MICALL1: variants seen among roughly 807,000 people sequenced by gnomAD.
MICALL1 encodes MICAL like 1, also known as MICAL-like protein 1.
A neutral mutation model predicts 83.7 loss-of-function variants in MICALL1; 61 were observed. That is an observed-to-expected ratio of 0.73 (90% CI 0.59 to 0.90). The LOEUF is 0.90. MICALL1 is among the 40% of genes least tolerant of loss of function. The pLI is 0.00. For synonymous variants in MICALL1, 481 were observed against 473.6 expected (o/e 1.02, Z -0.20); for missense variants, 1,066 against 1,152.0 (o/e 0.93, Z 1.08).
rs1927976573 is a variant in MICALL1, at chr22:37,906,722, TCCCTGAGACCCCGG to T, written c.146+158_146+171del. Reference sequence around the variant, plus strand: ...CCGACGGCCCCGGACGCCGGGCGGGTCCCTGAGACCCCGGCCCAGGGCGCCCCTCCCCCGCCCGG... The same window carrying T: ...CCGACGGCCCCGGACGCCGGGCGGGTCCCAGGGCGCCCCTCCCCCGCCCGG... On this transcript the variant is annotated intron_variant, in intron 1 of 15. Coordinates refer to ENST00000215957, the MANE Select transcript of MICALL1 (RefSeq NM_033386.4). The surrounding 1 kb of genome is among the most constrained non-coding windows in gnomAD (Gnocchi z 4.4). Among the ~76,000 whole-genome samples the T allele has an allele frequency of 6.7e-6, 1 of 149,884 alleles. No homozygotes were observed. Among genetic ancestry groups the T allele is most frequent in the Non-Finnish European group, 1.5e-5 (1 of 67,328 alleles).
intron 9 of MICALL1, among the ~76,000 whole-genome samples, chr22:37,929,155 G>A (rs1328363914): frequency 6.6e-6 from 1 of 152,064 alleles, no homozygotes; most frequent in African/African-American, 2.4e-5. Flanking sequence ...AGGGGCTCAC[G>A]ATCTGCTCAG....
intron 3 of MICALL1, among the ~76,000 whole-genome samples, chr22:37,913,851 C>G: frequency 6.6e-6 from 1 of 150,730 alleles, no homozygotes; most frequent in East Asian, 1.9e-4. Context: ...CCTCTGCTGT[C>G]GGTCTAGACA....
At position 37,911,982 on chromosome 22, in the gene MICALL1, C is replaced by G; in HGVS notation, c.177C>G (p.Val59=). The G allele has an allele frequency of 6.2e-7, 1 of 1,614,156 alleles. No individual in the cohort carries two copies. The highest frequency in any genetic ancestry group is 8.5e-7 in the Non-Finnish European group (1 of 1,180,024). Residue 59 remains valine, a synonymous_variant, in exon 2 of 16, where the codon GTC becomes GTG. Transcript: ENST00000215957. ...LDFDSLSKDN[V]FENNRLAFEV... is the part of the protein sequence containing the mutation. The stretch of plus-strand genomic sequence containing the variant: ...TTGATTCGCTTTCCAAGGACAATGT[C>G]TTCGAGAATAACCGTTTGGTAAGTT...
rs1929389685 is a variant in MICALL1 at position 37,925,775 on chromosome 22, C to G, written c.1197C>G (p.Ser399Arg). 1 of 1,613,238 alleles carries G rather than the reference C, an allele frequency of 6.2e-7. No homozygotes were observed. Among genetic ancestry groups the G allele is most frequent in the African/African-American group, 1.3e-5 (1 of 74,864 alleles). Residue 399 changes from serine to arginine, a missense_variant, in exon 8 of 16, where the codon AGC (serine) becomes AGG (arginine). By Grantham distance (110) the Ser-to-Arg change is moderately radical (BLOSUM62 -1). Coordinates refer to ENST00000215957, the MANE Select transcript of MICALL1 (RefSeq NM_033386.4). ...GCCCGGGGCCACCAAGCCAGGACAG[C>G]AGGCAGGTGGAGAATGGAGGCACCG... ...SSSPGPPSQD[S>R]RQVENGGTEE...
In MICALL1 at chr22:37,940,798, G is replaced by T. The variant is rs371714044; in HGVS notation, c.2560G>T (p.Ala854Ser). ...GAAACTGCTAGGAAACAAACGTGAT[G>T]CCAAGAGCAAGTCCCCCAGAGACAA... ...MLKLLGNKRD[A>S]KSKSPRDKS Residue 854 changes from alanine (A) to serine (S), a missense_variant, in exon 16 of 16, where the codon GCC (alanine) becomes TCC (serine). Ala to Ser is a moderately conservative substitution (Grantham distance 99). Transcript: ENST00000215957. 6.2e-7 allele frequency: 1 copy of T among 1,613,984 alleles called. No individual in the cohort carries two copies. The highest frequency in any genetic ancestry group is 1.7e-5 in the Admixed American group (1 of 60,008).
At chr22:37,925,440 T>C (rs1929358330) in intron 7 of MICALL1, among the ~76,000 whole-genome samples, 1 of 152,078 alleles carries the variant, frequency 6.6e-6, no homozygotes, top group African/African-American at 2.4e-5. Flanking sequence ...CTGGGCTGGG[T>C]TAACAGCAGC....
chr22:37,915,718 A>C (rs774117392), intron 3 of MICALL1, among the ~76,000 whole-genome samples: 187 of 148,768 alleles, frequency 1.3e-3, no homozygotes, highest in Admixed American at 1.5e-3. Context: ...CAACCTTGGC[A>C]GACTGCAGCC....
At position 37,922,261 on chromosome 22, in the gene MICALL1, C is replaced by T. The variant is rs199819580; in HGVS notation, c.859C>T (p.Pro287Ser). The T allele has an allele frequency of 2.5e-6, 4 of 1,589,278 alleles. No homozygotes were observed. In the African/African-American group the frequency reaches 4.0e-5, roughly 16 times the overall value. The change falls in exon 6 of 16, where the codon CCT (proline) becomes TCT (serine). Residue 287 changes from proline to serine, a missense_variant. Physicochemically the swap from Pro to Ser is moderately conservative, Grantham distance 74. Transcript: ENST00000215957. The part of the protein sequence containing the change: ...RPQIPTKPRV[P>S]GKLQELASPP... The stretch of plus-strand genomic sequence containing the variant: ...GCAGATCCCTACCAAGCCCCGGGTT[C>T]CTGGCAAACTACAGGAGCTGGCCAG...
rs373850361 is a variant in MICALL1, at chr22:37,932,487, G to T, written c.2017-66G>T. On this transcript the variant is annotated intron_variant, in intron 10 of 15. Transcript: ENST00000215957. The surrounding 1 kb of genome is among the most constrained non-coding windows in gnomAD (Gnocchi z 4.4). ...AGCCACCAGTGGCCAATGCTGGCCA[G>T]AGAAGAGGGCAAGGCTCCTGGCAGC... The T allele has an allele frequency of 2.5e-6, 4 of 1,595,474 alleles. No homozygotes were observed. The African/African-American group carries it at 4.0e-5, about 16-fold the overall frequency.
rs931440613 is a variant in MICALL1, at chr22:37,932,451, C to A, written c.2017-102C>A. On this transcript the variant is annotated intron_variant, in intron 10 of 15. Transcript: ENST00000215957. This position sits in a 1 kb window ranked among gnomAD's most constrained non-coding sequence, Gnocchi z 4.4. ...ACCATGCTGGGGTGGGGGACAGGGC[C>A]CGGGCCCTGGAGCCACCAGTGGCCA... 3.9e-6 allele frequency: 6 copies of A among 1,537,320 alleles called. No individual in the cohort carries two copies. In the African/African-American group the frequency reaches 6.8e-5, roughly 17 times the overall value.
intron 1 of MICALL1, among the ~76,000 whole-genome samples, chr22:37,910,024 G>A (rs949812225): frequency 6.6e-6 from 1 of 152,182 alleles, no homozygotes; most frequent in African/African-American, 2.4e-5. Flanking sequence ...ATCCAGACAT[G>A]CTTAAGCTCC....
rs1291490952 is a variant in MICALL1, at chr22:37,924,772, AG to A, written c.1082+58del. On this transcript the variant is annotated intron_variant, in intron 7 of 15. Transcript: ENST00000215957. This position sits in a 1 kb window ranked among gnomAD's most constrained non-coding sequence, Gnocchi z 5.2. ...TTTGGAGGTCCTGGTGGTGGGAATC[AG>A]GGTACTCTGGGGCCGGGTAGGGAGA... 4 of 1,581,160 alleles carry A rather than the reference AG, an allele frequency of 2.5e-6. No homozygotes were observed. Among genetic ancestry groups the A allele is most frequent in the Non-Finnish European group, 3.5e-6 (4 of 1,155,166 alleles).
Position 37,906,913 on chromosome 22 carries a change from TG to T in MICALL1, c.146+350del, listed in dbSNP as rs150929152. ...CTTTGAAGGGGTGTTGAGCCCTCTTTGGGGGCCCTGGGCCTCTCCTACCCTA... is the reference window on the plus strand; with the variant it reads ...CTTTGAAGGGGTGTTGAGCCCTCTTTGGGGCCCTGGGCCTCTCCTACCCTA... On this transcript the variant is annotated intron_variant, in intron 1 of 15. Transcript: ENST00000215957. This position sits in a 1 kb window ranked among gnomAD's most constrained non-coding sequence, Gnocchi z 4.4. The T allele has an allele frequency of 0.27, 41,309 of 153,808 alleles. 6,808 individuals carry two copies. The highest frequency in any genetic ancestry group is 0.35 in the Non-Finnish European group (24,268 of 69,048). 9.5% of individuals were successfully genotyped at this position (153,808 alleles called of 1,614,324 possible). A position where few individuals can be genotyped will look rare whatever the true frequency, so the allele number is the denominator to read the frequency against.
intron 3 of MICALL1, among the ~76,000 whole-genome samples, chr22:37,914,425 C>T (rs1928540202): frequency 6.6e-6 from 1 of 151,264 alleles, no homozygotes; most frequent in Admixed American, 6.6e-5. Flanking sequence ...CGGGGTTTCA[C>T]CATGTTGGCC....
Position 37,925,741 on chromosome 22 carries a change from CA to C in MICALL1, c.1165del (p.Ser389AlafsTer178). ...EPKKKPAPLPPSSSPGPPSQD... is the reference protein window; with the variant it reads ...EPKKKPAPLPXSSSPGPPSQD... ...AAGAAGAAGCCAGCCCCACTTCCCC[CA>C]AGCAGCAGCCCGGGGCCACCAAGCC... On this transcript the variant is annotated frameshift_variant, in exon 8 of 16. Coordinates refer to ENST00000215957, the MANE Select transcript of MICALL1 (RefSeq NM_033386.4). LOFTEE classifies it high-confidence loss of function. The C allele has an allele frequency of 6.2e-7, 1 of 1,612,464 alleles. No homozygotes were observed. Among genetic ancestry groups the C allele is most frequent in the Non-Finnish European group, 8.5e-7 (1 of 1,179,842 alleles).
intron 1 of MICALL1, among the ~76,000 whole-genome samples, chr22:37,908,171 C>T (rs1028896264): frequency 5.9e-5 from 9 of 152,066 alleles, no homozygotes; most frequent in African/African-American, 2.2e-4. Flanking sequence ...CTCCAGGCAT[C>T]AGTGTCCTCA....
chr22:37,939,494 G>T (rs1926324319), intron 15 of MICALL1, among the ~76,000 whole-genome samples: 1 of 152,216 alleles, frequency 6.6e-6, no homozygotes, highest in African/African-American at 2.4e-5. Flanking sequence ...GATAAATGGG[G>T]GCCAGGCGCG....
At chr22:37,937,925 G>GCACAACAGAGGC in intron 15 of MICALL1, 133 bp downstream of exon 15, 1 of 1,108,458 alleles carries the variant, frequency 9.0e-7, no homozygotes, top group Non-Finnish European at 1.3e-6. Flanking sequence ...CGCAGCCTCT[G>GCACAACAGAGGC]TTGTGCAGAG....
intron 3 of MICALL1, among the ~76,000 whole-genome samples, chr22:37,917,253 A>G (rs528974251): frequency 6.6e-5 from 10 of 152,242 alleles, no homozygotes; most frequent in African/African-American, 1.7e-4. Flanking sequence ...CTGGCCCCCA[A>G]TACCCACTTG....
Sources: gnomAD v4.1 joint callset for allele counts (sites outside exome capture counted in the v4.1 genomes callset) on GRCh38, gnomAD v4.1.1 for gene constraint, Gnocchi (gnomAD v3.1) non-coding constraint, MANE v1.5 for transcripts, NCBI Gene and HGNC (gene_info 2026-07-23, HGNC 2026-07-21) for gene names.